Variants in SUPT6H observed in about 807,000 individuals in gnomAD.
SUPT6H encodes transcription elongation factor SPT6.
In SUPT6H, 11 loss-of-function variants were observed where a neutral mutation model predicts 222.3. The observed-to-expected ratio is 0.05, with a 90% confidence interval of 0.03 to 0.08. The LOEUF (loss-of-function observed/expected upper bound fraction) is 0.08, where lower values mean the gene tolerates loss of function less well. Among genes scored for constraint, SUPT6H ranks in the 10% least tolerant of loss-of-function variants. The probability of loss-of-function intolerance (pLI) is 1.00; values close to 1 mark genes in which losing one functional copy is unlikely to be tolerated. For missense variants in SUPT6H, 1,422 were observed against 2,216.0 expected (o/e 0.64, Z 7.19); for synonymous variants, 762 against 801.2 (o/e 0.95, Z 0.83).
At position 28,701,585 on chromosome 17, in the gene SUPT6H, C is replaced by A. The variant is rs1180060622; in HGVS notation, c.5141C>A (p.Ala1714Asp). The change falls in exon 37 of 37, where the codon GCT becomes GAT. Residue 1714 changes from alanine to aspartate, a missense_variant. Physicochemically the swap from Ala to Asp is moderately radical, Grantham distance 126. Around this residue, in one of 13 missense-constraint regions of SUPT6H, gnomAD observed 395 missense variants for 580.6 expected, o/e 0.68. Coordinates refer to ENST00000314616, the MANE Select transcript of SUPT6H (RefSeq NM_003170.5). ...ATCGAAAGCACCCCCATGTCCATTG[C>A]TGGCGATGCCACCCCACTCCTGGAC... ...PMIESTPMSI[A>D]GDATPLLDEM... is the part of the protein sequence containing the mutation. 1 of 1,613,600 alleles carries A rather than the reference C, an allele frequency of 6.2e-7. No individual in the cohort carries two copies. Among genetic ancestry groups the A allele is most frequent in the Non-Finnish European group, 8.5e-7 (1 of 1,179,740 alleles).
At chr17:28,698,161 G>T in intron 32 of SUPT6H, 131 bp downstream of exon 32, 1 of 1,276,494 alleles carries the variant, frequency 7.8e-7, no homozygotes, top group Non-Finnish European at 1.0e-6. Flanking sequence ...TTAGAACAGA[G>T]GTGGAGGTTG....
Position 28,674,933 on chromosome 17 carries a change from C to G in SUPT6H, c.346-37C>G, listed in dbSNP as rs747300694. 26 of 1,604,186 alleles carry G rather than the reference C, an allele frequency of 1.6e-5. No individual in the cohort carries two copies. The South Asian group carries it at 2.9e-4, about 18-fold the overall frequency. On this transcript the variant is annotated intron_variant, in intron 4 of 36. Transcript: ENST00000314616. ...AGATTTGGTATCCGTATGCCAGACT[C>G]CTCAGATCCTGATAAGGCAGGTTTT...
At position 28,693,821 on chromosome 17, in the gene SUPT6H, A is replaced by G. The variant is rs777744793; in HGVS notation, c.3759A>G (p.Pro1253=). The stretch of plus-strand genomic sequence containing the variant: ...TCAGTGACAAAGTGGTAAAGCGGCC[A>G]GAAGAACGAGTGAAGGTAGAGGACT... ...KFLSDKVVKR[P]EERVKVGMTV... The change falls in exon 28 of 37, where the codon CCA becomes CCG. Residue 1253 remains proline, a synonymous_variant. Transcript: ENST00000314616. The G allele has an allele frequency of 1.4e-5, 23 of 1,614,114 alleles. No individual in the cohort carries two copies. The South Asian group carries it at 2.4e-4, about 17-fold the overall frequency.
At chr17:28,666,392 C>G (rs943129345) in intron 1 of SUPT6H, among the ~76,000 whole-genome samples, 1 of 152,200 alleles carries the variant, frequency 6.6e-6, no homozygotes, top group Admixed American at 6.5e-5. Context: ...TGTGCTAGAG[C>G]AGGAACTATG....
intron 26 of SUPT6H, among the ~76,000 whole-genome samples, chr17:28,690,500 C>T (rs976873318): frequency 1.3e-5 from 2 of 152,038 alleles, no homozygotes; most frequent in Non-Finnish European, 2.9e-5. Flanking sequence ...AACGGCCAGG[C>T]ACAGTGGCTC....
chr17:28,700,479 T>TGGCGGCAGTGGAGGC lies in SUPT6H; in HGVS notation c.4777_4791dup (p.Gly1593_Gly1597dup), dbSNP rs2032087934. The TGGCGGCAGTGGAGGC allele has an allele frequency of 5.0e-6, 8 of 1,614,064 alleles. No homozygotes were observed. The highest frequency in any genetic ancestry group is 6.8e-6 in the Non-Finnish European group (8 of 1,180,034). Reference sequence around the variant, plus strand: ...AGTGGGCCTCCAGCCAGTACGGCTATGGCGGCAGTGGAGGCGGCAGCAGTG... The same window carrying TGGCGGCAGTGGAGGC: ...AGTGGGCCTCCAGCCAGTACGGCTATGGCGGCAGTGGAGGCGGCGGCAGTGGAGGCGGCAGCAGTG... On this transcript the variant is annotated inframe_insertion, in exon 35 of 37. Coordinates refer to ENST00000314616, the MANE Select transcript of SUPT6H (RefSeq NM_003170.5).
At chr17:28,698,227 A>G (rs1282784050) in intron 32 of SUPT6H, among the ~76,000 whole-genome samples, 197 bp downstream of exon 32, 1 of 152,162 alleles carries the variant, frequency 6.6e-6, no homozygotes, top group East Asian at 1.9e-4. Context: ...TTCACATAAG[A>G]AGGGCGCTTT....
Position 28,678,906 on chromosome 17 carries a change from A to G in SUPT6H, c.1292A>G (p.Asp431Gly). The G allele has an allele frequency of 1.2e-6, 2 of 1,614,166 alleles. No homozygotes were observed. The highest frequency in any genetic ancestry group is 1.7e-6 in the Non-Finnish European group (2 of 1,180,038). ...QAYQYEQISA[D>G]PDKPLADGIR... The stretch of plus-strand genomic sequence containing the variant: ...TATCAGTATGAACAGATCTCTGCTG[A>G]CCCTGACAAACCTCTTGCTGATGGC... Residue 431 changes from aspartate to glycine, a missense_variant, in exon 11 of 37, where the codon GAC (aspartate) becomes GGC (glycine). By Grantham distance (94) the Asp-to-Gly change is moderately conservative. Transcript: ENST00000314616.
Position 28,702,009 on chromosome 17 carries a change from TC to T in SUPT6H, c.*388del, listed in dbSNP as rs1394267576. ...GGGCACCAAACTCAGCACATGAGTC[TC>T]CCCTAGCTCTCGTGGGGAGAGGGAT... is the stretch of plus-strand genomic sequence containing the variant. On this transcript the variant is annotated 3_prime_UTR_variant, in exon 37 of 37. Transcript: ENST00000314616. 1 of 184,178 alleles carries T rather than the reference TC, an allele frequency of 5.4e-6. No homozygotes were observed. Among genetic ancestry groups the T allele is most frequent in the African/African-American group, 2.3e-5 (1 of 42,998 alleles). The allele number at this position is 184,178 out of a possible 1,614,324, so 11.4% of individuals were successfully genotyped here.
In SUPT6H at chr17:28,701,600, C is replaced by G. The variant is rs1292467460; in HGVS notation, c.5156C>G (p.Pro1719Arg). ...ATGTCCATTGCTGGCGATGCCACCC[C>G]ACTCCTGGACGAGATGGATCGGTAG... Reference protein sequence around the residue: ...TPMSIAGDATPLLDEMDR With the variant: ...TPMSIAGDATRLLDEMDR The change falls in exon 37 of 37, where the codon CCA (proline) becomes CGA (arginine). Residue 1719 changes from proline (P) to arginine (R), a missense_variant. Physicochemically the swap from Pro to Arg is moderately radical, Grantham distance 103. Transcript: ENST00000314616. 6.2e-7 allele frequency: 1 copy of G among 1,612,696 alleles called. No homozygotes were observed. The highest frequency in any genetic ancestry group is 1.3e-5 in the African/African-American group (1 of 74,910).
chr17:28,684,328 C>T (rs2031273633), intron 17 of SUPT6H, among the ~76,000 whole-genome samples: 1 of 152,176 alleles, frequency 6.6e-6, no homozygotes, highest in Non-Finnish European at 1.5e-5. Context: ...GACCTCTCTG[C>T]TCCAGGAGCT....
chr17:28,674,484 T>A, intron 3 of SUPT6H, 43 bp downstream of exon 3: 1 of 1,613,872 alleles, frequency 6.2e-7, no homozygotes, highest in Non-Finnish European at 8.5e-7. Context: ...TGGGTGGAGG[T>A]TGCAGTGGAA....
At chr17:28,689,942 G>A in intron 25 of SUPT6H, 140 bp from the exon 26 acceptor site, 1 of 1,163,528 alleles carries the variant, frequency 8.6e-7, no homozygotes, top group Non-Finnish European at 1.2e-6. Flanking sequence ...ACCACCTTTA[G>A]TAAATGTTGA....
At chr17:28,678,246 G>A in intron 9 of SUPT6H, 54 bp downstream of exon 9, 1 of 1,495,672 alleles carries the variant, frequency 6.7e-7, no homozygotes, top group Non-Finnish European at 9.2e-7. Context: ...TAGGGGATGA[G>A]GGAAAAGATA....
chr17:28,683,377 G>T lies in SUPT6H; in HGVS notation c.1988G>T (p.Gly663Val), dbSNP rs1174361791. 1 of 1,614,164 alleles carries T rather than the reference G, an allele frequency of 6.2e-7. No homozygotes were observed. Among genetic ancestry groups the T allele is most frequent in the Admixed American group, 1.7e-5 (1 of 60,022 alleles). ...AAGATATGCCTGGCTGAAGACGAAGGGCTCCTCACCACTGACATCAGCATA... is the reference window on the plus strand; with the variant it reads ...AAGATATGCCTGGCTGAAGACGAAGTGCTCCTCACCACTGACATCAGCATA... ...FLKICLAEDE[G>V]LLTTDISIDL... The change falls in exon 16 of 37, where the codon GGG (glycine) becomes GTG (valine). Residue 663 changes from glycine to valine, a missense_variant. Gly to Val is a moderately radical substitution (Grantham distance 109). Transcript: ENST00000314616.
chr17:28,686,806 A>G lies in SUPT6H; in HGVS notation c.2700+17A>G. The G allele has an allele frequency of 6.3e-7, 1 of 1,576,970 alleles. No homozygotes were observed. ...AAGTCAGAGGTAATGCTGGAGCCTC[A>G]CCCTTAGGGCCTGCCCAGGCAAGTG... On this transcript the variant is annotated intron_variant, in intron 21 of 36. Transcript: ENST00000314616.
In SUPT6H at chr17:28,700,133, G is replaced by C. The variant is rs1236654088; in HGVS notation, c.4562-40G>C. ...CCCCTGAATTGGGAAACCAAAAATA[G>C]GTTTCTGGAGGGATGTAACTAAATA... On this transcript the variant is annotated intron_variant, in intron 33 of 36. Coordinates refer to ENST00000314616, the MANE Select transcript of SUPT6H (RefSeq NM_003170.5). The C allele has an allele frequency of 2.5e-6, 4 of 1,613,648 alleles. No individual in the cohort carries two copies. The Admixed American group carries it at 6.7e-5, about 27-fold the overall frequency.
intron 1 of SUPT6H, among the ~76,000 whole-genome samples, chr17:28,672,072 A>G (rs934824076): frequency 3.3e-5 from 5 of 152,244 alleles, no homozygotes; most frequent in African/African-American, 1.2e-4. Context: ...AATGCTCCCA[A>G]CCAGTACTCA....
At chr17:28,701,302 C>G in intron 36 of SUPT6H, 137 bp from the exon 37 acceptor site, 1 of 1,378,960 alleles carries the variant, frequency 7.3e-7, no homozygotes, top group South Asian at 1.3e-5. Flanking sequence ...TGGCAGCCAG[C>G]TGCTGCTGTA....
Sources: gnomAD v4.1 joint callset for allele counts (sites outside exome capture counted in the v4.1 genomes callset) on GRCh38, gnomAD v4.1.1 for gene constraint, gnomAD v4.1.1 regional missense constraint, MANE v1.5 for transcripts, NCBI Gene and HGNC (gene_info 2026-07-23, HGNC 2026-07-21) for gene names.